AUTS2: variants seen among roughly 807,000 people sequenced by gnomAD.
AUTS2 encodes activator of transcription and developmental regulator AUTS2.
A neutral mutation model predicts 112.4 loss-of-function variants in AUTS2; 17 were observed. That is an observed-to-expected ratio of 0.15 (90% CI 0.10 to 0.23). The LOEUF is 0.23. AUTS2 is among the 10% of genes least tolerant of loss of function. The pLI is 1.00. For synonymous variants in AUTS2, 751 were observed against 702.7 expected, an observed-to-expected ratio of 1.07 and a Z score of -1.09; for missense variants, 1,510 against 1,701.6, an observed-to-expected ratio of 0.89 and a Z score of 1.98.
chr7:70,657,684 T>C (rs183170544), intron 5 of AUTS2, among the ~76,000 whole-genome samples: 87 of 152,330 alleles, frequency 5.7e-4, no homozygotes, highest in African/African-American at 1.9e-3. Flanking sequence ...CACTAAGGGA[T>C]CTGAGCTGTA....
rs538380025 is a variant in AUTS2 at position 69,829,129 on chromosome 7, C to A, written c.310-70157C>A. Among the ~76,000 whole-genome samples the A allele has an allele frequency of 8.3e-4, 127 of 152,260 alleles. 3 individuals carry two copies. In the South Asian group the frequency reaches 0.024, roughly 29 times the overall value. ...TGATCTTGGACAAACTTGGCCAAAACAAGCAATGGGGAAAGGATTCCCTAT... is the reference window on the plus strand; with the variant it reads ...TGATCTTGGACAAACTTGGCCAAAAAAAGCAATGGGGAAAGGATTCCCTAT... On this transcript the variant is annotated intron_variant, in intron 1 of 18. Coordinates refer to ENST00000342771, the MANE Select transcript of AUTS2 (RefSeq NM_015570.4).
intron 2 of AUTS2, among the ~76,000 whole-genome samples, chr7:70,113,583 G>T (rs1221649298): frequency 3.3e-5 from 5 of 152,120 alleles, no homozygotes; most frequent in Admixed American, 6.5e-5. Context: ...GAAAAACTCA[G>T]CAGTCTGAAA....
At chr7:69,672,541 A>G (rs978259419) in intron 1 of AUTS2, among the ~76,000 whole-genome samples, 1 of 152,208 alleles carries the variant, frequency 6.6e-6, no homozygotes, top group Non-Finnish European at 1.5e-5. Flanking sequence ...AGGGGTCAAG[A>G]TCATGTGTCT....
At chr7:69,941,706 T>C (rs890650011) in intron 2 of AUTS2, among the ~76,000 whole-genome samples, 3 of 152,086 alleles carry the variant, frequency 2.0e-5, no homozygotes, top group Non-Finnish European at 2.9e-5. Context: ...GTGTATTTGC[T>C]AGTAGTATAG....
chr7:69,770,184 G>T (rs753868327), intron 1 of AUTS2, among the ~76,000 whole-genome samples: 1 of 152,178 alleles, frequency 6.6e-6, no homozygotes, highest in Non-Finnish European at 1.5e-5. Flanking sequence ...TTTTGTGTGT[G>T]TGCTGGTGGT....
chr7:70,643,715 A>C (rs1213383313), intron 5 of AUTS2, among the ~76,000 whole-genome samples: 1 of 152,198 alleles, frequency 6.6e-6, no homozygotes, highest in Non-Finnish European at 1.5e-5. Context: ...TCAAAGAAAC[A>C]AACTTTATTA....
At chr7:69,939,418 A>G (rs1478418144) in intron 2 of AUTS2, among the ~76,000 whole-genome samples, 1 of 152,056 alleles carries the variant, frequency 6.6e-6, no homozygotes, top group Admixed American at 6.5e-5. Context: ...GCCCCACACA[A>G]CCTCACATTT....
intron 2 of AUTS2, among the ~76,000 whole-genome samples, chr7:69,949,032 C>T (rs1386032792): frequency 1.3e-5 from 2 of 152,188 alleles, no homozygotes; most frequent in East Asian, 3.9e-4. Flanking sequence ...GTCTCGAGCT[C>T]CTGACCTTAA....
intron 1 of AUTS2, among the ~76,000 whole-genome samples, chr7:69,714,247 A>ATGTGTGTGTGTGTGTG (rs1438776720): frequency 5.9e-4 from 25 of 42,346 alleles, no homozygotes; most frequent in African/African-American, 1.4e-3. Flanking sequence ...ATGTGTGTGT[A>ATGTGTGTGTGTGTGTG]TATGTGTGTG....
rs1064794822 is a variant in AUTS2, at chr7:70,790,643, CACGAGCGGGGAGGCCACCTGG to C, written c.3437_3457del (p.Gly1146_Arg1152del). 1.2e-5 allele frequency: 20 copies of C among 1,612,538 alleles called. No homozygotes were observed. Among genetic ancestry groups the C allele is most frequent in the African/African-American group, 2.7e-5 (2 of 74,920 alleles). ...GCTGTCTGTGGACCCTCGGCGGGAG[CACGAGCGGGGAGGCCACCTGG>C]ACGAGCGGGAGCGCTTGCACATGCT... is the stretch of plus-strand genomic sequence containing the variant. On this transcript the variant is annotated inframe_deletion, in exon 19 of 19. Coordinates refer to ENST00000342771, the MANE Select transcript of AUTS2 (RefSeq NM_015570.4). The surrounding 1 kb of genome is among the most constrained non-coding windows in gnomAD (Gnocchi z 7.6).
At chr7:70,073,078 T>C (rs1584677401) in intron 2 of AUTS2, among the ~76,000 whole-genome samples, 1 of 100,716 alleles carries the variant, frequency 9.9e-6, no homozygotes, top group African/African-American at 3.7e-5. Flanking sequence ...TCCCCTCTCC[T>C]CCCCTCCTTT....
intron 2 of AUTS2, among the ~76,000 whole-genome samples, chr7:70,005,320 G>A (rs1371448350): frequency 6.6e-6 from 1 of 152,108 alleles, no homozygotes; most frequent in African/African-American, 2.4e-5. Flanking sequence ...TGTCACAAAA[G>A]TAAAGGTTCA....
intron 5 of AUTS2, chr7:70,595,977 G>T (rs1006536163): frequency 6.6e-6 from 1 of 152,202 alleles, no homozygotes; most frequent in Non-Finnish European, 1.5e-5. Context: ...TGCGCGCTTT[G>T]CCTGCGCGCT....
At chr7:70,257,376 G>A (rs938804349) in intron 4 of AUTS2, among the ~76,000 whole-genome samples, 1 of 152,162 alleles carries the variant, frequency 6.6e-6, no homozygotes, top group African/African-American at 2.4e-5. Context: ...GGAGTGCAGT[G>A]GCACAATCTC....
At chr7:70,183,420 C>G (rs1283237475) in intron 4 of AUTS2, among the ~76,000 whole-genome samples, 2 of 152,202 alleles carry the variant, frequency 1.3e-5, no homozygotes, top group Non-Finnish European at 2.9e-5. Context: ...CGCCAGGTGA[C>G]AAATGTGTTA....
At chr7:70,686,855 T>C (rs527757466) in intron 5 of AUTS2, among the ~76,000 whole-genome samples, 5 of 152,280 alleles carry the variant, frequency 3.3e-5, no homozygotes, top group African/African-American at 1.2e-4. Flanking sequence ...TTTTCATTCA[T>C]TCATTTATTT....
At chr7:70,305,230 A>G (rs891251446) in intron 4 of AUTS2, among the ~76,000 whole-genome samples, 1 of 152,172 alleles carries the variant, frequency 6.6e-6, no homozygotes, top group South Asian at 2.1e-4. Context: ...TTATGAAAGT[A>G]TTGAGTAAAA....
intron 2 of AUTS2, among the ~76,000 whole-genome samples, chr7:70,102,971 T>G (rs1034613963): frequency 2.6e-5 from 4 of 152,336 alleles, no homozygotes; most frequent in African/African-American, 9.6e-5. Context: ...TATGTATTAG[T>G]CATCCAGAAT....
chr7:70,175,031 G>T (rs1208108253), intron 4 of AUTS2, among the ~76,000 whole-genome samples: 3 of 152,086 alleles, frequency 2.0e-5, no homozygotes, highest in Non-Finnish European at 2.9e-5. Context: ...ATGGATCTGG[G>T]CAAAGTCAAT....
Sources: gnomAD v4.1 joint callset for allele counts (sites outside exome capture counted in the v4.1 genomes callset) on GRCh38, gnomAD v4.1.1 for gene constraint, Gnocchi (gnomAD v3.1) non-coding constraint, MANE v1.5 for transcripts, NCBI Gene and HGNC (gene_info 2026-07-23, HGNC 2026-07-21) for gene names.